PADI3: variants seen among roughly 807,000 people sequenced by gnomAD.
PADI3 encodes peptidyl arginine deiminase 3.
Under a neutral mutation model 71.5 loss-of-function variants are expected in PADI3, and 53 were observed. The observed-to-expected ratio is 0.74, with a 90% confidence interval of 0.59 to 0.93. The LOEUF (loss-of-function observed/expected upper bound fraction) is 0.93, where lower values mean the gene tolerates loss of function less well. PADI3 is among the 40% of genes least tolerant of loss of function. The probability of loss-of-function intolerance (pLI) is 0.00; values close to 1 mark genes in which losing one functional copy is unlikely to be tolerated. For synonymous variants in PADI3, 361 were observed against 347.5 expected, an observed-to-expected ratio of 1.04 and a Z score of -0.43; for missense variants, 821 against 868.0, an observed-to-expected ratio of 0.95 and a Z score of 0.68.
chr1:17,262,182 C>A lies in PADI3; in HGVS notation c.323C>A (p.Ala108Glu). 1 of 1,611,966 alleles carries A rather than the reference C, an allele frequency of 6.2e-7. No homozygotes were observed. The highest frequency in any genetic ancestry group is 8.5e-7 in the Non-Finnish European group (1 of 1,179,366). The change falls in exon 3 of 16, where the codon GCG (alanine) becomes GAG (glutamate). Residue 108 changes from alanine (A) to glutamate (E), a missense_variant. By Grantham distance (107) the Ala-to-Glu change is moderately radical (BLOSUM62 -1). Transcript: ENST00000375460. The part of the protein sequence containing the change: ...SSHEPLPLAY[A>E]VLYLTCVDIS... ...CATGAGCCTCTGCCCCTGGCCTATGCGGTGCTCTACCTCACCTGTGTTGGT... is the reference window on the plus strand; with the variant it reads ...CATGAGCCTCTGCCCCTGGCCTATGAGGTGCTCTACCTCACCTGTGTTGGT...
At chr1:17,264,331 T>TACACACACACAC (rs60223695) in intron 3 of PADI3, among the ~76,000 whole-genome samples, 31 of 148,110 alleles carry the variant, frequency 2.1e-4, no homozygotes, top group Non-Finnish European at 2.4e-4. Context: ...AAAGCATATG[T>TACACACACACAC]ACACACACAC....
At chr1:17,268,080 C>T in intron 6 of PADI3, 118 bp downstream of exon 6, 3 of 1,219,390 alleles carry the variant, frequency 2.5e-6, no homozygotes, top group Non-Finnish European at 3.5e-6. Flanking sequence ...GGGAGATGCC[C>T]TGGTGGGTGG....
chr1:17,263,103 A>T (rs2073123611), intron 3 of PADI3, among the ~76,000 whole-genome samples: 1 of 152,152 alleles, frequency 6.6e-6, no homozygotes, highest in Non-Finnish European at 1.5e-5. Context: ...TAGTAGAGAC[A>T]GGGTTTCTCC....
In PADI3 at chr1:17,276,636, G is replaced by C; in HGVS notation, c.1425G>C (p.Leu475=). ...WLAVGHVDEF[L]SFVPAPDGKG... is the part of the protein sequence containing the mutation. ...CCGTGGGCCATGTGGATGAGTTTCT[G>C]AGCTTTGTCCCTGCCCCCGATGGGA... Residue 475 remains leucine, a synonymous_variant, in exon 12 of 16, where the codon CTG becomes CTC. Coordinates refer to ENST00000375460, the MANE Select transcript of PADI3 (RefSeq NM_016233.2). 1.2e-6 allele frequency: 2 copies of C among 1,614,204 alleles called. No individual in the cohort carries two copies. Among genetic ancestry groups the C allele is most frequent in the Non-Finnish European group, 1.7e-6 (2 of 1,180,042 alleles).
At chr1:17,274,838 G>C in intron 11 of PADI3, 52 bp downstream of exon 11, 7 of 1,578,370 alleles carry the variant, frequency 4.4e-6, no homozygotes, top group Non-Finnish European at 6.1e-6. Context: ...GAGGGTTGGG[G>C]GTGGTGATGA....
chr1:17,271,336 C>T (rs1002037027), intron 9 of PADI3, among the ~76,000 whole-genome samples, 158 bp downstream of exon 9: 8 of 152,224 alleles, frequency 5.3e-5, no homozygotes, highest in African/African-American at 1.9e-4. Context: ...TCTCCAGAAC[C>T]TTCTGGAGAC....
intron 1 of PADI3, 46 bp downstream of exon 1, chr1:17,249,275 C>A (rs2072936025): frequency 6.8e-7 from 1 of 1,468,174 alleles, no homozygotes. Flanking sequence ...GGTGCTGATG[C>A]CCTTGGACCT....
At chr1:17,278,549 T>G (rs1307653818) in intron 13 of PADI3, among the ~76,000 whole-genome samples, 1 of 152,170 alleles carries the variant, frequency 6.6e-6, no homozygotes, top group African/African-American at 2.4e-5. Context: ...TTTTTTGTTT[T>G]GTTTTTTGTT....
At position 17,280,780 on chromosome 1, in the gene PADI3, C is replaced by A. The variant is rs746707761; in HGVS notation, c.1745C>A (p.Ala582Asp). 6.2e-7 allele frequency: 1 copy of A among 1,614,022 alleles called. No homozygotes were observed. The highest frequency in any genetic ancestry group is 1.7e-5 in the Admixed American group (1 of 60,008). The change falls in exon 15 of 16, where the codon GCC becomes GAC. Residue 582 changes from alanine (A) to aspartate (D), a missense_variant. Coordinates refer to ENST00000375460, the MANE Select transcript of PADI3 (RefSeq NM_016233.2). The part of the protein sequence containing the change: ...LFKTERKKAT[A>D]FFPDLVNMLV... Reference sequence around the variant, plus strand: ...AAGACCGAGAGGAAAAAAGCAACGGCCTTCTTCCCTGACTTGGTGAGGGCA... The same window carrying A: ...AAGACCGAGAGGAAAAAAGCAACGGACTTCTTCCCTGACTTGGTGAGGGCA...
intron 13 of PADI3, 32 bp downstream of exon 13, chr1:17,276,908 C>T: frequency 6.4e-7 from 1 of 1,554,732 alleles, no homozygotes; most frequent in Non-Finnish European, 8.8e-7. Context: ...CTCCTTGCGG[C>T]TTGCCTGCCC....
At chr1:17,272,456 T>C (rs1010342182) in intron 9 of PADI3, among the ~76,000 whole-genome samples, 2 of 152,196 alleles carry the variant, frequency 1.3e-5, no homozygotes, top group African/African-American at 4.8e-5. Flanking sequence ...CTGTGAGCTT[T>C]GGGACAAATA....
chr1:17,272,403 G>A (rs1157438240), intron 9 of PADI3, among the ~76,000 whole-genome samples: 3 of 152,238 alleles, frequency 2.0e-5, no homozygotes, highest in Non-Finnish European at 2.9e-5. Context: ...TCTGGGGCAC[G>A]ATGGGCTGGG....
At chr1:17,273,472 C>A (rs751791978) in intron 10 of PADI3, 25 bp downstream of exon 10, 11 of 1,525,230 alleles carry the variant, frequency 7.2e-6, no homozygotes, top group South Asian at 2.3e-5. Flanking sequence ...CCGCAGCCCA[C>A]CCCTGAGAGC....
intron 1 of PADI3, among the ~76,000 whole-genome samples, chr1:17,259,107 T>C (rs1221235359): frequency 1.3e-5 from 2 of 152,248 alleles, no homozygotes. Flanking sequence ...TCTTGCTCTG[T>C]CGCCCAGGCT....
chr1:17,270,371 T>A lies in PADI3; in HGVS notation c.791T>A (p.Leu264His). ...TTCCCTGATGCCGGCTTCACAGGAC[T>A]CATCTCCTTCCATGTCACTCTGCTG... Reference protein sequence around the residue: ...LSFPDAGFTGLISFHVTLLDD... With the variant: ...LSFPDAGFTGHISFHVTLLDD... The change falls in exon 7 of 16, where the codon CTC becomes CAC. Residue 264 changes from leucine to histidine, a missense_variant. By Grantham distance (99) the Leu-to-His change is moderately conservative. Transcript: ENST00000375460. The A allele has an allele frequency of 6.2e-7, 1 of 1,613,678 alleles. No individual in the cohort carries two copies.
rs749226130 is a variant in PADI3 at position 17,249,188 on chromosome 1, G to C, written c.51G>C (p.Ala17=). Reference sequence around the variant, plus strand: ...TGTCCCTGGAGCATCCCACCAGCGCGGTGTGTGTGGCTGGCGTGGAGACCC... The same window carrying C: ...TGTCCCTGGAGCATCCCACCAGCGCCGTGTGTGTGGCTGGCGTGGAGACCC... The part of the protein sequence containing the change: ...VRVSLEHPTS[A]VCVAGVETLV... Residue 17 remains alanine, a synonymous_variant, in exon 1 of 16, where the codon GCG becomes GCC. Coordinates refer to ENST00000375460, the MANE Select transcript of PADI3 (RefSeq NM_016233.2). 2 of 1,614,160 alleles carry C rather than the reference G, an allele frequency of 1.2e-6. No homozygotes were observed. Among genetic ancestry groups the C allele is most frequent in the East Asian group, 4.5e-5 (2 of 44,876 alleles).
intron 2 of PADI3, among the ~76,000 whole-genome samples, chr1:17,260,110 T>C (rs2073085126): frequency 6.6e-6 from 1 of 152,150 alleles, no homozygotes; most frequent in Admixed American, 6.5e-5. Context: ...TCTGCTGAGT[T>C]GGGTCTCAGT....
At chr1:17,255,558 C>T (rs1346432796) in intron 1 of PADI3, among the ~76,000 whole-genome samples, 4 of 152,202 alleles carry the variant, frequency 2.6e-5, no homozygotes, top group African/African-American at 7.2e-5. Flanking sequence ...CAGGTACTTC[C>T]CCTGTTCTCT....
At chr1:17,270,485 CA>C (rs66624969) in intron 7 of PADI3, 74 bp downstream of exon 7, 140,877 of 972,268 alleles carry the variant, frequency 0.14, 68 homozygotes, top group Middle Eastern at 0.18. Flanking sequence ...CCCATCTCTA[CA>C]AAAAAAAAAA....
Sources: allele counts gnomAD v4.1 joint callset (sites outside exome capture counted in the v4.1 genomes callset), GRCh38; gene constraint gnomAD v4.1.1; transcripts MANE v1.5; gene names NCBI Gene and HGNC (gene_info 2026-07-23, HGNC 2026-07-21).